FGD6: variants seen among roughly 807,000 people sequenced by gnomAD.
FGD6 encodes FYVE, RhoGEF and PH domain containing 6.
FGD6 carries 90 observed loss-of-function variants against 149.4 expected under a neutral mutation model. That is an observed-to-expected ratio of 0.60 (90% CI 0.51 to 0.72). The LOEUF (loss-of-function observed/expected upper bound fraction) is 0.72, where lower values mean the gene tolerates loss of function less well. Ranked by LOEUF, FGD6 falls within the 30% of genes least tolerant of loss-of-function variation. The probability of loss-of-function intolerance (pLI) is 0.00; values close to 1 mark genes in which losing one functional copy is unlikely to be tolerated. For synonymous variants in FGD6, 527 were observed against 584.0 expected (o/e 0.90, Z 1.41); for missense variants, 1,437 against 1,684.8 (o/e 0.85, Z 2.57).
chr12:95,155,150 T>A (rs1210897060), intron 3 of FGD6, among the ~76,000 whole-genome samples: 1 of 152,220 alleles, frequency 6.6e-6, no homozygotes, highest in Admixed American at 6.6e-5. Flanking sequence ...TGTTACTTTA[T>A]TAAAGCATGG....
intron 2 of FGD6, among the ~76,000 whole-genome samples, chr12:95,183,071 G>T (rs1296371915): frequency 6.6e-6 from 1 of 152,234 alleles, no homozygotes; most frequent in Non-Finnish European, 1.5e-5. Context: ...CCATTGCGGT[G>T]CAAGGCTGAA....
chr12:95,209,099 G>C lies in FGD6; in HGVS notation c.2185C>G (p.Arg729Gly), dbSNP rs759103294. The C allele has an allele frequency of 1.2e-6, 2 of 1,614,036 alleles. No homozygotes were observed. Among genetic ancestry groups the C allele is most frequent in the Non-Finnish European group, 1.7e-6 (2 of 1,180,020 alleles). The change falls in exon 2 of 21, where the codon CGG (arginine) becomes GGG (glycine). Residue 729 changes from arginine to glycine, a missense_variant. Physicochemically the swap from Arg to Gly is moderately radical, Grantham distance 125. Transcript: ENST00000343958. ...AESLDDQMLS[R>G]ESSSQAPYKS... ...TAAGGTGCCTGAGATGATGACTCCC[G>C]GGAGAGCATTTGGTCATCCAAAGAC...
chr12:95,187,867 T>A (rs1881488497), intron 2 of FGD6, among the ~76,000 whole-genome samples: 1 of 152,202 alleles, frequency 6.6e-6, no homozygotes, highest in South Asian at 2.1e-4. Context: ...TACAGTAATA[T>A]CCTGAAGCTC....
At position 95,217,312 on chromosome 12, in the gene FGD6, C is replaced by A; in HGVS notation, c.-72G>T. ...TTCCCCTTTCAGTCCATTGTTCCCA[C>A]AGTTCGGGTAGGAGAGAAAAGCCCC... On this transcript the variant is annotated 5_prime_UTR_variant, in exon 1 of 21. Transcript: ENST00000343958. 6.5e-7 allele frequency: 1 copy of A among 1,545,030 alleles called. No individual in the cohort carries two copies. The highest frequency in any genetic ancestry group is 8.8e-7 in the Non-Finnish European group (1 of 1,138,914).
chr12:95,193,931 T>C (rs182094292), intron 2 of FGD6, among the ~76,000 whole-genome samples: 129 of 152,146 alleles, frequency 8.5e-4, no homozygotes, highest in Non-Finnish European at 9.1e-4. Flanking sequence ...TATTATTTTA[T>C]ATTTTATTTT....
chr12:95,090,166 A>T (rs961055463), intron 17 of FGD6, among the ~76,000 whole-genome samples: 2 of 152,104 alleles, frequency 1.3e-5, no homozygotes, highest in African/African-American at 4.8e-5. Context: ...AAAGCTGGCC[A>T]TGATGGAGTA....
At chr12:95,216,035 A>C (rs576314043) in intron 1 of FGD6, among the ~76,000 whole-genome samples, 2 of 152,348 alleles carry the variant, frequency 1.3e-5, no homozygotes, top group South Asian at 4.1e-4. Context: ...GTTTATAAAG[A>C]TATCTCATAT....
At chr12:95,187,549 A>G (rs1371573215) in intron 2 of FGD6, among the ~76,000 whole-genome samples, 2 of 150,728 alleles carry the variant, frequency 1.3e-5, no homozygotes, top group East Asian at 4.0e-4. Context: ...GCTACTTGGG[A>G]GGCTGAGGCA....
chr12:95,149,993 TACACACAC>T (rs10652699), intron 5 of FGD6, among the ~76,000 whole-genome samples: 17,512 of 131,892 alleles, frequency 0.13, 1,290 homozygotes, highest in South Asian at 0.25. Flanking sequence ...TGCTATATAT[TACACACAC>T]ACACACACAC....
chr12:95,180,750 A>T (rs2136287912), intron 2 of FGD6, among the ~76,000 whole-genome samples: 1 of 152,072 alleles, frequency 6.6e-6, no homozygotes, highest in East Asian at 1.9e-4. Context: ...GTGCATTTTT[A>T]CTTTTTCAAA....
intron 8 of FGD6, 128 bp downstream of exon 8, chr12:95,134,611 T>G (rs1879613319): frequency 2.5e-6 from 2 of 784,512 alleles, no homozygotes; most frequent in Non-Finnish European, 4.4e-6. Context: ...AATCTACAAA[T>G]CCACGTATTA....
chr12:95,093,677 A>AG (rs911950061), intron 15 of FGD6, among the ~76,000 whole-genome samples: 1 of 11,346 alleles, frequency 8.8e-5, no homozygotes, highest in Non-Finnish European at 2.0e-4. Context: ...ACTCTGTCTC[A>AG]AAAAAAAAAA....
intron 20 of FGD6, among the ~76,000 whole-genome samples, 194 bp downstream of exon 20, chr12:95,084,303 GA>G: frequency 6.6e-6 from 1 of 152,188 alleles, no homozygotes; most frequent in Non-Finnish European, 1.5e-5. Context: ...TCTGCCTCCT[GA>G]AAATATTCCA....
At chr12:95,139,463 T>A (rs1592848417) in intron 6 of FGD6, among the ~76,000 whole-genome samples, 1 of 144,740 alleles carries the variant, frequency 6.9e-6, no homozygotes, top group Non-Finnish European at 1.5e-5. Flanking sequence ...CGGAAGCAAA[T>A]AAGCCCCAAT....
chr12:95,170,286 G>A (rs1158473885), intron 3 of FGD6, among the ~76,000 whole-genome samples: 1 of 152,096 alleles, frequency 6.6e-6, no homozygotes, highest in Admixed American at 6.6e-5. Flanking sequence ...TTCATAGCTT[G>A]TAACACTCTG....
intron 8 of FGD6, among the ~76,000 whole-genome samples, chr12:95,127,599 T>TA (rs1299367375): frequency 4.6e-5 from 7 of 152,240 alleles, no homozygotes; most frequent in Non-Finnish European, 5.9e-5. Context: ...ATGCGCTTGT[T>TA]AGCCTGTACA....
At position 95,137,633 on chromosome 12, in the gene FGD6, T is replaced by C. The variant is rs1415942683; in HGVS notation, c.2883A>G (p.Pro961=). 14 of 1,611,490 alleles carry C rather than the reference T, an allele frequency of 8.7e-6. No homozygotes were observed. The highest frequency in any genetic ancestry group is 1.6e-4 in the Middle Eastern group (1 of 6,074). ...RIADIFVKKG[P]YLKMYSTYIK... ...TGTATGTGGAATACATTTTTAGATA[T>C]GGTCCCTTCTTTACAAAGATATCAG... is the stretch of plus-strand genomic sequence containing the variant. Residue 961 remains proline (P), a synonymous_variant, in exon 7 of 21, where the codon CCA becomes CCG. Coordinates refer to ENST00000343958, the MANE Select transcript of FGD6 (RefSeq NM_018351.4).
At chr12:95,208,768 G>T in intron 2 of FGD6, 75 bp downstream of exon 2, 2 of 1,494,728 alleles carry the variant, frequency 1.3e-6, no homozygotes, top group Non-Finnish European at 9.0e-7. Flanking sequence ...TTTTCCCCCT[G>T]CATTCCTAAC....
At chr12:95,119,175 T>C (rs1183440471) in intron 8 of FGD6, among the ~76,000 whole-genome samples, 1 of 152,230 alleles carries the variant, frequency 6.6e-6, no homozygotes, top group Non-Finnish European at 1.5e-5. Context: ...AGTTGAGGCA[T>C]GGGACTTTGG....
Sources: allele counts gnomAD v4.1 joint callset (sites outside exome capture counted in the v4.1 genomes callset), GRCh38; gene constraint gnomAD v4.1.1; transcripts MANE v1.5; gene names NCBI Gene and HGNC (gene_info 2026-07-23, HGNC 2026-07-21).